UPRT: variants seen among roughly 807,000 people sequenced by gnomAD.
UPRT encodes the protein RP11-311P8.3.
UPRT carries 5 observed loss-of-function variants against 22.6 expected under a neutral mutation model. The ratio of observed to expected loss-of-function variants is 0.22; its 90% confidence interval spans 0.12 to 0.47. The LOEUF is 0.47. Ranked by LOEUF, UPRT falls within the 20% of genes least tolerant of loss-of-function variation. The probability of loss-of-function intolerance (pLI) is 0.99; values close to 1 mark genes in which losing one functional copy is unlikely to be tolerated. For missense variants in UPRT, 181 were observed against 239.9 expected (o/e 0.75, Z 1.62); for synonymous variants, 77 against 87.7 (o/e 0.88, Z 0.68).
At chrX:75,218,756 G>A (rs1373389743) in intron 4 of UPRT, among the ~76,000 whole-genome samples, 5 of 103,268 alleles carry the variant, frequency 4.8e-5, no homozygotes, top group African/African-American at 1.1e-4. Flanking sequence ...GATGAAATTG[G>A]AAATCATCAT....
rs182941053 is a variant in UPRT at position 75,183,459 on chromosome X, T to C, written c.-447+15580T>C. On this transcript the variant is annotated intron_variant, in intron 4 of 13. Coordinates refer to the UPRT transcript ENST00000652605. ...TGGGTTGGTTCCAAGTCTTCGCTATTGTGAATAGTGCCGCAGTAAACATAT... is the reference window on the plus strand; with the variant it reads ...TGGGTTGGTTCCAAGTCTTCGCTATCGTGAATAGTGCCGCAGTAAACATAT... 2.7e-5 allele frequency among the ~76,000 whole-genome samples: 3 copies of C among 112,101 alleles called. No individual in the cohort carries two copies. The Admixed American group carries it at 2.8e-4, about 11-fold the overall frequency.
intron 1 of UPRT, among the ~76,000 whole-genome samples, chrX:75,274,927 A>G (rs1445848822): frequency 9.1e-6 from 1 of 109,388 alleles, no homozygotes; most frequent in Non-Finnish European, 1.9e-5. Flanking sequence ...CTCCCAGGAA[A>G]GACAACTCCT....
chrX:75,241,394 A>G (rs1302711849), intron 4 of UPRT, among the ~76,000 whole-genome samples: 1 of 112,021 alleles, frequency 8.9e-6, no homozygotes, highest in African/African-American at 3.2e-5. Context: ...TACTCCTGGA[A>G]GAATGGCCAT....
At chrX:75,178,929 A>C (rs1259026922) in intron 4 of UPRT, among the ~76,000 whole-genome samples, 1 of 111,723 alleles carries the variant, frequency 9.0e-6, no homozygotes, top group African/African-American at 3.3e-5. Flanking sequence ...CATCCTGCTG[A>C]TTGGTAGAGC....
At chrX:75,157,473 T>G (rs1195144482) in intron 1 of UPRT, among the ~76,000 whole-genome samples, 2 of 112,154 alleles carry the variant, frequency 1.8e-5, no homozygotes, top group Non-Finnish European at 1.9e-5. Flanking sequence ...AAGAAAATAT[T>G]TTCAGGTTCA....
rs35475608 is a variant in UPRT, at chrX:75,282,235, A to AT, written c.386+7606dup. 1.5e-4 allele frequency among the ~76,000 whole-genome samples: 15 copies of AT among 103,441 alleles called. 1 individual carries two copies. Among genetic ancestry groups the AT allele is most frequent in the Middle Eastern group, 4.9e-3 (1 of 203 alleles). The allele number at this position is 103,441 out of a possible 115,157, so 89.8% of individuals were successfully genotyped here. A position where few individuals can be genotyped will look rare whatever the true frequency, so the allele number is the denominator to read the frequency against. On this transcript the variant is annotated intron_variant, in intron 1 of 6. Coordinates refer to ENST00000373383, the MANE Select transcript of UPRT (RefSeq NM_145052.4). ...CAGCTTTTTGTTTCATTTATCTTAT[A>AT]TTTTTTTTTTTGCTTCAATTTCACT...
chrX:75,271,104 C>A (rs2082606808), upstream of UPRT, among the ~76,000 whole-genome samples: 1 of 111,614 alleles, frequency 9.0e-6, no homozygotes, highest in African/African-American at 3.3e-5. Flanking sequence ...AAGCAATCTA[C>A]ACATTCAATG....
intron 4 of UPRT, among the ~76,000 whole-genome samples, chrX:75,222,935 G>A (rs1388830338): frequency 9.0e-6 from 1 of 110,504 alleles, no homozygotes; most frequent in Admixed American, 9.7e-5. Flanking sequence ...ATGTAGGAAT[G>A]TTCTGGGTCA....
intron 4 of UPRT, among the ~76,000 whole-genome samples, chrX:75,298,248 T>A (rs1404807618): frequency 1.8e-5 from 2 of 109,692 alleles, no homozygotes; most frequent in Non-Finnish European, 3.8e-5. Context: ...TGCCTCAGCC[T>A]CCGAAAGTGC....
intron 4 of UPRT, among the ~76,000 whole-genome samples, chrX:75,233,846 G>C (rs1332800095): frequency 5.4e-5 from 6 of 110,397 alleles, no homozygotes; most frequent in African/African-American, 2.0e-4. Context: ...AAAATGTAAA[G>C]ACCATCGAGA....
At chrX:75,223,214 G>A (rs1206588975) in intron 4 of UPRT, among the ~76,000 whole-genome samples, 1 of 109,607 alleles carries the variant, frequency 9.1e-6, no homozygotes, top group Non-Finnish European at 1.9e-5. Context: ...TGACCAAGTT[G>A]CAAGGCAAAA....
chrX:75,259,726 T>G (rs148344549), intron 4 of UPRT, among the ~76,000 whole-genome samples: 2 of 110,703 alleles, frequency 1.8e-5, no homozygotes, highest in African/African-American at 6.6e-5. Flanking sequence ...TAGCAAGACA[T>G]GCCAACATTC....
At chrX:75,204,984 G>A (rs1470340019) in intron 4 of UPRT, among the ~76,000 whole-genome samples, 2 of 111,139 alleles carry the variant, frequency 1.8e-5, no homozygotes, top group Non-Finnish European at 3.8e-5. Flanking sequence ...AAGGTGTCCT[G>A]CAGCCATAGA....
intron 4 of UPRT, among the ~76,000 whole-genome samples, chrX:75,251,920 T>C (rs1381986591): frequency 2.7e-5 from 3 of 110,890 alleles, no homozygotes; most frequent in Non-Finnish European, 5.7e-5. Context: ...TATCTACAAC[T>C]ATCTGATCTT....
chrX:75,178,246 C>T (rs188590213), intron 4 of UPRT, among the ~76,000 whole-genome samples: 10 of 112,173 alleles, frequency 8.9e-5, no homozygotes, highest in South Asian at 3.7e-4. Context: ...CTGCGCTAGT[C>T]GCTTTTAACT....
chrX:75,207,271 C>A (rs1251083959), intron 4 of UPRT, among the ~76,000 whole-genome samples: 1 of 112,405 alleles, frequency 8.9e-6, no homozygotes, highest in South Asian at 3.7e-4. Flanking sequence ...GGGCAACTAT[C>A]TTTGCCTGTT....
chrX:75,269,628 A>C (rs1316967614), upstream of UPRT, among the ~76,000 whole-genome samples: 1 of 111,747 alleles, frequency 8.9e-6, no homozygotes, highest in Non-Finnish European at 1.9e-5. Flanking sequence ...GATTTTTGAC[A>C]AATCTGACAA....
chrX:75,285,973 C>G (rs190184771), intron 1 of UPRT, among the ~76,000 whole-genome samples: 9 of 111,287 alleles, frequency 8.1e-5, no homozygotes, highest in Non-Finnish European at 1.7e-4. Flanking sequence ...TATACTACGA[C>G]AAACTTTGGG....
intron 4 of UPRT, among the ~76,000 whole-genome samples, chrX:75,180,674 T>C (rs952592478): frequency 5.7e-5 from 5 of 88,464 alleles, no homozygotes; most frequent in Non-Finnish European, 1.1e-4. Context: ...TCTTCCCCCT[T>C]TTCTCTGTTT....
Sources: allele counts gnomAD v4.1 joint callset (sites outside exome capture counted in the v4.1 genomes callset), GRCh38; gene constraint gnomAD v4.1.1; transcripts MANE v1.5; gene names NCBI Gene and HGNC (gene_info 2026-07-23, HGNC 2026-07-21).